MYBL2: variants seen among roughly 807,000 people sequenced by gnomAD.
The protein encoded by MYBL2 is MYB proto-oncogene like 2, also known as myb-related protein B.
A neutral mutation model predicts 79.9 loss-of-function variants in MYBL2; 28 were observed. That is an observed-to-expected ratio of 0.35 (90% CI 0.26 to 0.48). MYBL2 has a LOEUF of 0.48. Ranked by LOEUF, MYBL2 falls within the 20% of genes least tolerant of loss-of-function variation. The pLI, the probability that MYBL2 is intolerant of heterozygous loss-of-function variation, is 0.99. For synonymous variants in MYBL2, 378 were observed against 361.2 expected, an observed-to-expected ratio of 1.05 and a Z score of -0.53; for missense variants, 735 against 893.9, an observed-to-expected ratio of 0.82 and a Z score of 2.27.
At position 43,706,719 on chromosome 20, in the gene MYBL2, G is replaced by GTTTTTTTGTTTTT. The variant is rs1987791707; in HGVS notation, c.1505+1368_1505+1369insGTTTTTTTTTTTT. 1.1e-3 allele frequency among the ~76,000 whole-genome samples: 81 copies of GTTTTTTTGTTTTT among 70,780 alleles called. 4 individuals are homozygous for GTTTTTTTGTTTTT. The highest frequency in any genetic ancestry group is 4.4e-3 in the African/African-American group (74 of 16,766). 46.4% of individuals were successfully genotyped at this position (70,780 alleles called of 152,430 possible). On this transcript the variant is annotated intron_variant, in intron 9 of 13. Coordinates refer to ENST00000217026, the MANE Select transcript of MYBL2 (RefSeq NM_002466.4). ...CTGTCTGTACACAAAAAAAAAAAAA[G>GTTTTTTTGTTTTT]TTTTTTTTTTTTTTGAGATGGAGTC...
At chr20:43,684,513 G>A (rs936757548) in intron 4 of MYBL2, among the ~76,000 whole-genome samples, 16 of 151,046 alleles carry the variant, frequency 1.1e-4, no homozygotes, top group African/African-American at 3.9e-4. Flanking sequence ...GGGATTACAA[G>A]CGTGAGCCAC....
At chr20:43,688,007 C>T (rs1196197935) in intron 5 of MYBL2, among the ~76,000 whole-genome samples, 15 of 85,184 alleles carry the variant, frequency 1.8e-4, no homozygotes, top group African/African-American at 5.5e-4. Flanking sequence ...GCGAGACTGT[C>T]TCCAAAAAAA....
intron 6 of MYBL2, among the ~76,000 whole-genome samples, 170 bp downstream of exon 6, chr20:43,692,489 C>T (rs536729040): frequency 6.6e-6 from 1 of 152,296 alleles, no homozygotes; most frequent in African/African-American, 2.4e-5. Context: ...CACTTGTCTG[C>T]CTGCAGATGA....
chr20:43,673,797 TC>T lies in MYBL2; in HGVS notation c.21-5del. 6.4e-7 allele frequency: 1 copy of T among 1,570,168 alleles called. No individual in the cohort carries two copies. Reference sequence around the variant, plus strand: ...ACCATCCTTGACCCTTGGCCTGCTTTCCCCATAGCGAGGATCTGGATGAGCT... The same window carrying T: ...ACCATCCTTGACCCTTGGCCTGCTTTCCCATAGCGAGGATCTGGATGAGCT... On this transcript the variant is annotated splice_polypyrimidine_tract_variant and splice_region_variant and intron_variant, in intron 1 of 13. Coordinates refer to ENST00000217026, the MANE Select transcript of MYBL2 (RefSeq NM_002466.4).
rs1347366300 is a variant in MYBL2 at position 43,716,058 on chromosome 20, C to T, written c.2074C>T (p.His692Tyr). ...RQLLGRLKPS[H>Y]TSRTLILS ...GCTCCTGGGCCGCCTGAAGCCCAGC[C>T]ACACATCTCGGACCCTCATCTTGTC... The change falls in exon 14 of 14, where the codon CAC becomes TAC. Residue 692 changes from histidine to tyrosine, a missense_variant. Physicochemically the swap from His to Tyr is moderately conservative, Grantham distance 83 (BLOSUM62 2). Around this residue, in one of 5 missense-constraint regions of MYBL2, gnomAD observed 204 missense variants for 202.9 expected, o/e 1.01. Coordinates refer to ENST00000217026, the MANE Select transcript of MYBL2 (RefSeq NM_002466.4). 1 of 1,609,690 alleles carries T rather than the reference C, an allele frequency of 6.2e-7. No homozygotes were observed. The highest frequency in any genetic ancestry group is 8.5e-7 in the Non-Finnish European group (1 of 1,179,858).
At chr20:43,706,982 G>A (rs1987802661) in intron 9 of MYBL2, among the ~76,000 whole-genome samples, 1 of 151,276 alleles carries the variant, frequency 6.6e-6, no homozygotes, top group Admixed American at 6.6e-5. Flanking sequence ...CCAAAGTGCT[G>A]GGATTATATG....
chr20:43,715,179 A>G lies in MYBL2; in HGVS notation c.1870A>G (p.Ile624Val), dbSNP rs766785690. 44 of 1,614,096 alleles carry G rather than the reference A, an allele frequency of 2.7e-5. No homozygotes were observed. In the South Asian group the frequency reaches 4.5e-4, roughly 17 times the overall value. ...SNSSSLTLSG[I>V]KEDNSLLNQG... ...CTCTTCCAGCCTCACCCTGTCAGGT[A>G]TCAAAGAAGACAACAGCTTGCTCAA... is the stretch of plus-strand genomic sequence containing the variant. The change falls in exon 13 of 14, where the codon ATC becomes GTC. Residue 624 changes from isoleucine (I) to valine (V), a missense_variant. By Grantham distance (29) the Ile-to-Val change is conservative (BLOSUM62 3). Transcript: ENST00000217026.
rs1368963231 is a variant in MYBL2, at chr20:43,667,268, G to A, written c.-16G>A. The A allele has an allele frequency of 8.2e-7, 1 of 1,223,620 alleles. No individual in the cohort carries two copies. The highest frequency in any genetic ancestry group is 1.0e-6 in the Non-Finnish European group (1 of 982,570). The allele number at this position is 1,223,620 out of a possible 1,614,324, so 75.8% of individuals were successfully genotyped here. On this transcript the variant is annotated 5_prime_UTR_variant, in exon 1 of 14. Coordinates refer to ENST00000217026, the MANE Select transcript of MYBL2 (RefSeq NM_002466.4). Reference sequence around the variant, plus strand: ...GCCGGCGGGCGGGCGAGCGCGGCGCGGTCCGGGCCGGGGGGATGTCTCGGC... The same window carrying A: ...GCCGGCGGGCGGGCGAGCGCGGCGCAGTCCGGGCCGGGGGGATGTCTCGGC...
intron 6 of MYBL2, among the ~76,000 whole-genome samples, chr20:43,698,308 C>T (rs1987598972): frequency 6.7e-6 from 1 of 149,076 alleles, no homozygotes; most frequent in African/African-American, 2.5e-5. Context: ...CCTTGGCCTC[C>T]CAAAGTGTTG....
rs201134592 is a variant in MYBL2, at chr20:43,674,224, T to C, written c.114+325T>C. Among the ~76,000 whole-genome samples, 547 of 58,082 alleles carry C rather than the reference T, an allele frequency of 9.4e-3. 1 individual carries two copies. The highest frequency in any genetic ancestry group is 0.018 in the South Asian group (25 of 1,388). The allele number at this position is 58,082 out of a possible 152,430, so 38.1% of individuals were successfully genotyped here. A position where few individuals can be genotyped will look rare whatever the true frequency, so the allele number is the denominator to read the frequency against. On this transcript the variant is annotated intron_variant, in intron 2 of 13. Transcript: ENST00000217026. The stretch of plus-strand genomic sequence containing the variant: ...TAGGAGGTTTGGCCAAATCTGTAAC[T>C]CCCCCCACCCTTTTTTTTTTTTTTT...
At chr20:43,674,581 T>TA (rs1175663929) in intron 2 of MYBL2, among the ~76,000 whole-genome samples, 2 of 151,414 alleles carry the variant, frequency 1.3e-5, no homozygotes, top group African/African-American at 2.4e-5. Context: ...TTTTAGTAGA[T>TA]ACGGGGGCTT....
chr20:43,683,443 C>A (rs1238358618), intron 4 of MYBL2, among the ~76,000 whole-genome samples: 1 of 151,966 alleles, frequency 6.6e-6, no homozygotes, highest in African/African-American at 2.4e-5. Context: ...CTGCCTGGGG[C>A]TACCTTGGGA....
rs1987721373 is a variant in MYBL2 at position 43,703,734 on chromosome 20, C to G, written c.1365+831C>G. Among the ~76,000 whole-genome samples the G allele has an allele frequency of 2.0e-5, 3 of 152,068 alleles. No homozygotes were observed. The South Asian group carries it at 6.3e-4, about 32-fold the overall frequency. On this transcript the variant is annotated intron_variant, in intron 8 of 13. Coordinates refer to ENST00000217026, the MANE Select transcript of MYBL2 (RefSeq NM_002466.4). ...GAGGTGGCCTGGTGCAGGAGGCCACCCTGTCATCACGGGTCAGGATGGCTA... is the reference window on the plus strand; with the variant it reads ...GAGGTGGCCTGGTGCAGGAGGCCACGCTGTCATCACGGGTCAGGATGGCTA...
chr20:43,693,424 C>T (rs1300065046), intron 6 of MYBL2, among the ~76,000 whole-genome samples: 8 of 152,064 alleles, frequency 5.3e-5, no homozygotes, highest in African/African-American at 1.7e-4. Flanking sequence ...CTGCAACCTC[C>T]GCCTCCCAGG....
intron 12 of MYBL2, among the ~76,000 whole-genome samples, chr20:43,714,445 A>G (rs1192919052): frequency 6.6e-6 from 1 of 152,072 alleles, no homozygotes. Flanking sequence ...ACATTTATTG[A>G]TTATGTTATT....
chr20:43,706,720 T>TTTTTTTTTG (rs1402420122), intron 9 of MYBL2, among the ~76,000 whole-genome samples: 3 of 29,992 alleles, frequency 1.0e-4, no homozygotes, highest in African/African-American at 4.7e-4. Context: ...AAAAAAAAAG[T>TTTTTTTTTG]TTTTTTTTTT....
chr20:43,702,784 A>G lies in MYBL2; in HGVS notation c.1246A>G (p.Arg416Gly). The change falls in exon 8 of 14, where the codon AGG becomes GGG. Residue 416 changes from arginine to glycine, a missense_variant. Transcript: ENST00000217026. The part of the protein sequence containing the change: ...PPSVLKRQRK[R>G]RVALSPVTEN... ...CTCTGTGCTCAAGCGGCAGAGGAAGAGGCGTGTGGCTCTGTCCCCTGTCAC... is the reference window on the plus strand; with the variant it reads ...CTCTGTGCTCAAGCGGCAGAGGAAGGGGCGTGTGGCTCTGTCCCCTGTCAC... The G allele has an allele frequency of 6.2e-7, 1 of 1,614,228 alleles. No individual in the cohort carries two copies. The highest frequency in any genetic ancestry group is 8.5e-7 in the Non-Finnish European group (1 of 1,180,038).
rs565629386 is a variant in MYBL2 at position 43,716,133 on chromosome 20, T to C, written c.*46T>C. The C allele has an allele frequency of 3.8e-5, 61 of 1,596,686 alleles. 1 individual carries two copies. In the South Asian group the frequency reaches 5.6e-4, roughly 15 times the overall value. ...CCCATTCTCATGTTTACAGGGGTTG[T>C]GGGGGCAGAGGGGGTCTGTGAATCT... On this transcript the variant is annotated 3_prime_UTR_variant, in exon 14 of 14. Transcript: ENST00000217026.
At chr20:43,670,054 G>A (rs1248329659) in intron 1 of MYBL2, among the ~76,000 whole-genome samples, 1 of 152,220 alleles carries the variant, frequency 6.6e-6, no homozygotes, top group Non-Finnish European at 1.5e-5. Context: ...GCTGTGAGTC[G>A]AGATCATGCC....
Sources: gnomAD v4.1 joint callset for allele counts (sites outside exome capture counted in the v4.1 genomes callset) on GRCh38, gnomAD v4.1.1 for gene constraint, gnomAD v4.1.1 regional missense constraint, MANE v1.5 for transcripts, NCBI Gene and HGNC (gene_info 2026-07-23, HGNC 2026-07-21) for gene names.